The following GPR39 variants were observed in gnomAD, a reference collection of about 807,000 sequenced individuals.
GPR39 encodes the protein zinc sensing receptor.
A neutral mutation model predicts 18.4 loss-of-function variants in GPR39; 23 were observed. That is an observed-to-expected ratio of 1.25 (90% confidence interval 0.90 to 1.77). GPR39 has a LOEUF of 1.77. Ranked by LOEUF, GPR39 falls within the 40% of genes most tolerant of loss-of-function variation. GPR39 has a pLI of 0.00. For missense variants in GPR39, 647 were observed against 602.4 expected, an observed-to-expected ratio of 1.07 and a Z score of -0.78; for synonymous variants, 280 against 257.9, an observed-to-expected ratio of 1.09 and a Z score of -0.82.
At chr2:132,431,245 C>T (rs569822455) in intron 1 of GPR39, among the ~76,000 whole-genome samples, 1 of 152,328 alleles carries the variant, frequency 6.6e-6, no homozygotes, top group Admixed American at 6.5e-5. Context: ...TCAGATGCAA[C>T]ACCTATTTCT....
chr2:132,417,693 G>A lies in GPR39; in HGVS notation c.651G>A (p.Trp217Ter), dbSNP rs1679934402. The A allele has an allele frequency of 2.5e-6, 4 of 1,614,066 alleles. No homozygotes were observed. The highest frequency in any genetic ancestry group is 3.4e-6 in the Non-Finnish European group (4 of 1,180,040). The change falls in exon 1 of 2, where the codon TGG (tryptophan) becomes TGA (stop). Residue 217 changes from tryptophan (W) to a stop codon, truncating the protein, a stop_gained. Transcript: ENST00000329321. LOFTEE classifies it high-confidence loss of function. ...TCTGTACCAACCTCTCCAGCCGCTGGACCGTGTTCCAGTCCAGCATCTTCG... is the reference window on the plus strand; with the variant it reads ...TCTGTACCAACCTCTCCAGCCGCTGAACCGTGTTCCAGTCCAGCATCTTCG... ...MSICTNLSSRWTVFQSSIFGA... is the reference protein window; with the variant it reads ...MSICTNLSSR
intron 1 of GPR39, among the ~76,000 whole-genome samples, chr2:132,467,298 C>CTAA (rs1190087555): frequency 6.6e-6 from 1 of 152,108 alleles, no homozygotes; most frequent in African/African-American, 2.4e-5. Flanking sequence ...CCTAAATGGA[C>CTAA]TAATGCAAGA....
At chr2:132,561,737 G>A (rs900549606) in intron 1 of GPR39, among the ~76,000 whole-genome samples, 5 of 152,118 alleles carry the variant, frequency 3.3e-5, no homozygotes, top group East Asian at 1.9e-4. Context: ...TGAGAACCAC[G>A]AAAGCTGACG....
At chr2:132,439,628 A>G (rs985527266) in intron 1 of GPR39, among the ~76,000 whole-genome samples, 1 of 152,210 alleles carries the variant, frequency 6.6e-6, no homozygotes, top group African/African-American at 2.4e-5. Flanking sequence ...AAACACTTTA[A>G]TTTGCTTCAG....
At chr2:132,457,453 A>T (rs540475141) in intron 1 of GPR39, among the ~76,000 whole-genome samples, 2 of 152,150 alleles carry the variant, frequency 1.3e-5, no homozygotes, top group South Asian at 2.1e-4. Flanking sequence ...GAAGTTTGTT[A>T]TTACCGACCT....
At chr2:132,549,658 C>T (rs1289773002) in intron 1 of GPR39, among the ~76,000 whole-genome samples, 3 of 151,954 alleles carry the variant, frequency 2.0e-5, no homozygotes, top group Non-Finnish European at 2.9e-5. Context: ...CGTGGTGGTG[C>T]GCACCTGTAG....
At chr2:132,456,625 T>C (rs898426076) in intron 1 of GPR39, among the ~76,000 whole-genome samples, 2 of 152,210 alleles carry the variant, frequency 1.3e-5, no homozygotes, top group Admixed American at 6.5e-5. Flanking sequence ...ACCAGTTGTT[T>C]CTTTCCATGT....
At chr2:132,563,043 C>CT (rs146965829) in intron 1 of GPR39, among the ~76,000 whole-genome samples, 76 of 152,330 alleles carry the variant, frequency 5.0e-4, no homozygotes, top group African/African-American at 1.8e-3. Flanking sequence ...CTGTCCTCTG[C>CT]TCCCAGTGTT....
intron 1 of GPR39, among the ~76,000 whole-genome samples, chr2:132,617,910 A>G (rs1681366442): frequency 6.6e-6 from 1 of 152,224 alleles, no homozygotes; most frequent in Non-Finnish European, 1.5e-5. Flanking sequence ...AGCATTGACC[A>G]AAATAGATGG....
intron 1 of GPR39, among the ~76,000 whole-genome samples, chr2:132,605,106 G>T (rs1315388348): frequency 6.6e-6 from 1 of 152,172 alleles, no homozygotes. Context: ...CATTCCCAAG[G>T]TCACATAAGA....
chr2:132,615,250 C>A (rs1681314746), intron 1 of GPR39, among the ~76,000 whole-genome samples: 1 of 152,202 alleles, frequency 6.6e-6, no homozygotes, highest in Non-Finnish European at 1.5e-5. Flanking sequence ...CAGAGACCTG[C>A]ATGGCACACT....
At chr2:132,620,536 C>T (rs572328056) in intron 1 of GPR39, among the ~76,000 whole-genome samples, 2 of 152,278 alleles carry the variant, frequency 1.3e-5, no homozygotes, top group African/African-American at 4.8e-5. Context: ...CTCAGACGCC[C>T]CTCCTTCCCC....
intron 1 of GPR39, among the ~76,000 whole-genome samples, chr2:132,641,171 G>A (rs1380914196): frequency 6.6e-6 from 1 of 152,224 alleles, no homozygotes; most frequent in African/African-American, 2.4e-5. Context: ...GCAAAGTTTA[G>A]AATGAGAAAT....
chr2:132,601,350 A>G (rs1478177187), intron 1 of GPR39, among the ~76,000 whole-genome samples: 4 of 152,226 alleles, frequency 2.6e-5, no homozygotes, highest in Non-Finnish European at 4.4e-5. Context: ...CAAGAGAATG[A>G]AGGATAAAAA....
intron 1 of GPR39, among the ~76,000 whole-genome samples, chr2:132,558,520 G>A (rs1423662236): frequency 1.3e-5 from 2 of 152,130 alleles, no homozygotes; most frequent in Non-Finnish European, 2.9e-5. Context: ...GATCCTTTCT[G>A]ACACAATGTA....
intron 1 of GPR39, among the ~76,000 whole-genome samples, chr2:132,508,672 C>T (rs113548798): frequency 0.024 from 3,705 of 152,246 alleles, 146 homozygotes; most frequent in African/African-American, 0.083. Flanking sequence ...AATCAGCTGC[C>T]GTTTAAAGCA....
chr2:132,574,954 C>G (rs906755484), intron 1 of GPR39, among the ~76,000 whole-genome samples: 2 of 152,122 alleles, frequency 1.3e-5, no homozygotes, highest in African/African-American at 4.8e-5. Flanking sequence ...AGGTTTCCTC[C>G]TGAAAGCACC....
chr2:132,429,635 T>C (rs745776989), intron 1 of GPR39, among the ~76,000 whole-genome samples: 10 of 152,060 alleles, frequency 6.6e-5, no homozygotes, highest in African/African-American at 2.4e-4. Context: ...GTGTGACAAA[T>C]GGGGTTAAAA....
chr2:132,575,817 A>T (rs1680520349), intron 1 of GPR39, among the ~76,000 whole-genome samples: 1 of 152,164 alleles, frequency 6.6e-6, no homozygotes, highest in Non-Finnish European at 1.5e-5. Context: ...ATATGATGTA[A>T]TCCTGACCCC....
Sources: allele counts gnomAD v4.1 joint callset (sites outside exome capture counted in the v4.1 genomes callset), GRCh38; gene constraint gnomAD v4.1.1; transcripts MANE v1.5; gene names NCBI Gene and HGNC (gene_info 2026-07-23, HGNC 2026-07-21).